IGSF5: variants seen among roughly 807,000 people sequenced by gnomAD.
IGSF5 encodes the protein immunoglobulin superfamily member 5.
Under a neutral mutation model 39.4 loss-of-function variants are expected in IGSF5, and 41 were observed. That is an observed-to-expected ratio of 1.04 (90% CI 0.81 to 1.35). IGSF5 has a LOEUF of 1.35. Among genes scored for constraint, IGSF5 ranks in the 40% most tolerant of loss-of-function variants. The pLI, the probability that IGSF5 is intolerant of heterozygous loss-of-function variation, is 0.00. For synonymous variants in IGSF5, 183 were observed against 175.3 expected (o/e 1.04, Z -0.34); for missense variants, 487 against 494.6 (o/e 0.98, Z 0.15).
At chr21:39,785,501 C>A (rs1235778622) in intron 5 of IGSF5, among the ~76,000 whole-genome samples, 1 of 152,080 alleles carries the variant, frequency 6.6e-6, no homozygotes, top group African/African-American at 2.4e-5. Flanking sequence ...GATGCCTCCA[C>A]CTTTGTTCTT....
At chr21:39,771,882 A>T (rs2080116365) in intron 4 of IGSF5, among the ~76,000 whole-genome samples, 1 of 152,200 alleles carries the variant, frequency 6.6e-6, no homozygotes, top group South Asian at 2.1e-4. Context: ...GATTGACTTT[A>T]ACTTAACATT....
the IGSF5 span, chr21:39,725,915 A>C: frequency 3.2e-4 from 48 of 152,316 alleles, no homozygotes; most frequent in Middle Eastern, 3.4e-3. Flanking sequence ...GGACTGGAAG[A>C]TGAAACTGGG....
At chr21:39,742,197 T>C (rs759997823), upstream of IGSF5, among the ~76,000 whole-genome samples, 3 of 151,738 alleles carry the variant, frequency 2.0e-5, no homozygotes, top group Non-Finnish European at 2.9e-5. Flanking sequence ...TATGTTCAGG[T>C]GTATAATGGC....
intron 6 of IGSF5, 53 bp from the exon 7 acceptor site, chr21:39,791,955 T>C (rs1417842973): frequency 8.1e-7 from 1 of 1,228,990 alleles, no homozygotes; most frequent in Non-Finnish European, 1.2e-6. Flanking sequence ...CAATTAACAT[T>C]TGGCAATGTT....
At chr21:39,725,287 T>C in the IGSF5 span, among the ~76,000 whole-genome samples, 2 of 152,268 alleles carry the variant, frequency 1.3e-5, no homozygotes, top group Non-Finnish European at 2.9e-5. Flanking sequence ...TTGTAAAACG[T>C]GGCTAATGTA....
At chr21:39,797,517 C>G (rs139968858) in intron 8 of IGSF5, among the ~76,000 whole-genome samples, 1 of 152,140 alleles carries the variant, frequency 6.6e-6, no homozygotes, top group East Asian at 1.9e-4. Context: ...GCTTGCCCGG[C>G]CTTTAAAAAT....
At chr21:39,764,135 G>C (rs188732332) in intron 2 of IGSF5, among the ~76,000 whole-genome samples, 1 of 152,140 alleles carries the variant, frequency 6.6e-6, no homozygotes, top group East Asian at 1.9e-4. Flanking sequence ...CTCCACCCTG[G>C]CATCCTCGCC....
the IGSF5 span, among the ~76,000 whole-genome samples, chr21:39,736,721 G>C: frequency 2.0e-5 from 3 of 152,200 alleles, no homozygotes; most frequent in Non-Finnish European, 4.4e-5. Flanking sequence ...CTATTACTAA[G>C]GCATATGCAT....
At chr21:39,778,309 A>G (rs2080151122) in intron 4 of IGSF5, among the ~76,000 whole-genome samples, 1 of 152,172 alleles carries the variant, frequency 6.6e-6, no homozygotes, top group South Asian at 2.1e-4. Flanking sequence ...CTTAAATTTG[A>G]ATTTGGATGA....
At chr21:39,742,198 G>A (rs2079951403), upstream of IGSF5, among the ~76,000 whole-genome samples, 1 of 151,904 alleles carries the variant, frequency 6.6e-6, no homozygotes, top group Non-Finnish European at 1.5e-5. Flanking sequence ...ATGTTCAGGT[G>A]TATAATGGCC....
intron 2 of IGSF5, among the ~76,000 whole-genome samples, chr21:39,760,413 C>T (rs896068911): frequency 6.6e-6 from 1 of 152,120 alleles, no homozygotes; most frequent in African/African-American, 2.4e-5. Flanking sequence ...AACAATCAGG[C>T]CAGGGGTTAG....
rs763997114 is a variant in IGSF5, at chr21:39,801,261, G to A, written c.1129-1G>A. On this transcript the variant is annotated splice_acceptor_variant, in intron 8 of 8. Transcript: ENST00000380588. LOFTEE classifies it high-confidence loss of function. ...TGACTTTTTTCCTCCTCTGTTGCCA[G>A]CGGGCTGATCAACGTCCACCCAGGC... 6 of 1,613,316 alleles carry A rather than the reference G, an allele frequency of 3.7e-6. No homozygotes were observed. In the Admixed American group the frequency reaches 8.3e-5, roughly 22 times the overall value.
At chr21:39,796,093 C>T (rs568867042) in intron 8 of IGSF5, among the ~76,000 whole-genome samples, 43 of 152,234 alleles carry the variant, frequency 2.8e-4, no homozygotes, top group African/African-American at 8.4e-4. Flanking sequence ...TACCATGGGC[C>T]GTGTTTCCTG....
At chr21:39,745,139 GTCTCTCTCTCTCTCTTCATCTC>G (rs1049251177), upstream of IGSF5, among the ~76,000 whole-genome samples, 11 of 145,700 alleles carry the variant, frequency 7.5e-5, no homozygotes, top group African/African-American at 2.5e-4. Context: ...CTGCCTCTCT[GTCTCTCTCTCTCTCTTCATCTC>G]TCTCTCTCTC....
At chr21:39,736,880 A>G in the IGSF5 span, among the ~76,000 whole-genome samples, 1 of 152,194 alleles carries the variant, frequency 6.6e-6, no homozygotes. Flanking sequence ...GCCAGCCCTC[A>G]CAACTCCTGG....
At chr21:39,718,768 T>C in the IGSF5 span, among the ~76,000 whole-genome samples, 1 of 152,198 alleles carries the variant, frequency 6.6e-6, no homozygotes, top group South Asian at 2.1e-4. Context: ...TTGTTGAAGA[T>C]TTTTGCATGG....
chr21:39,795,343 C>T (rs1451390366), intron 8 of IGSF5, among the ~76,000 whole-genome samples: 1 of 151,992 alleles, frequency 6.6e-6, no homozygotes, highest in Non-Finnish European at 1.5e-5. Flanking sequence ...GGGGCTCGCT[C>T]CCACCCCAGC....
chr21:39,719,222 G>A, the IGSF5 span, among the ~76,000 whole-genome samples: 1 of 152,106 alleles, frequency 6.6e-6, no homozygotes, highest in Non-Finnish European at 1.5e-5. Context: ...GGCTGGTCTT[G>A]CACTCCTGGG....
the IGSF5 span, chr21:39,727,716 G>A: frequency 6.6e-6 from 1 of 152,274 alleles, no homozygotes. Flanking sequence ...GGCTGGCCAC[G>A]ATCTTGCAGG....
Sources: allele counts gnomAD v4.1 joint callset (sites outside exome capture counted in the v4.1 genomes callset), GRCh38; gene constraint gnomAD v4.1.1; transcripts MANE v1.5; gene names NCBI Gene and HGNC (gene_info 2026-07-23, HGNC 2026-07-21).